The following CHST9 variants were observed in gnomAD, a reference collection of about 807,000 sequenced individuals.
CHST9 encodes the protein GalNAc-4-sulfotransferase 2.
Under a neutral mutation model 44.4 loss-of-function variants are expected in CHST9, and 41 were observed. The ratio of observed to expected loss-of-function variants is 0.92; its 90% confidence interval spans 0.72 to 1.20. The LOEUF is 1.20. Ranked by LOEUF, CHST9 falls within the 50% of genes most tolerant of loss-of-function variation. The pLI is 0.00. For missense variants in CHST9, 504 were observed against 516.5 expected, an observed-to-expected ratio of 0.98 and a Z score of 0.23; for synonymous variants, 171 against 178.4, an observed-to-expected ratio of 0.96 and a Z score of 0.33.
chr18:27,021,935 T>C (rs1420508712), intron 4 of CHST9, among the ~76,000 whole-genome samples: 1 of 152,090 alleles, frequency 6.6e-6, no homozygotes, highest in East Asian at 1.9e-4. Flanking sequence ...TCCCCCTACT[T>C]TAGCCTCCTG....
chr18:26,931,451 T>C (rs1482014556), intron 5 of CHST9, among the ~76,000 whole-genome samples: 5 of 152,242 alleles, frequency 3.3e-5, no homozygotes, highest in Non-Finnish European at 5.9e-5. Context: ...TGAAAGTGTA[T>C]GGATTTGGGT....
intron 3 of CHST9, among the ~76,000 whole-genome samples, chr18:27,047,262 TACAGCATTATGGAAATA>T (rs2057512621): frequency 6.6e-6 from 1 of 152,082 alleles, no homozygotes; most frequent in South Asian, 2.1e-4. Context: ...AGGTAGTACA[TACAGCATTATGGAAATA>T]GCATTTAGAA....
intron 2 of CHST9, among the ~76,000 whole-genome samples, chr18:27,105,936 A>G (rs1194943897): frequency 6.6e-6 from 1 of 152,206 alleles, no homozygotes; most frequent in Non-Finnish European, 1.5e-5. Flanking sequence ...GTATCAATTA[A>G]TACAAGTTAT....
chr18:26,946,264 A>T (rs1598583145), intron 4 of CHST9, among the ~76,000 whole-genome samples: 2 of 152,342 alleles, frequency 1.3e-5, no homozygotes, highest in African/African-American at 2.4e-5. Flanking sequence ...CAAAGAAGTG[A>T]CATTTGAGTC....
At position 27,161,131 on chromosome 18, in the gene CHST9, G is replaced by C. The variant is rs550082317; in HGVS notation, c.-96-18226C>G. Among the ~76,000 whole-genome samples, 7 of 152,114 alleles carry C rather than the reference G, an allele frequency of 4.6e-5. No individual in the cohort carries two copies. In the East Asian group the frequency reaches 1.4e-3, roughly 29 times the overall value. ...TTCCTTCAGTTCTGCTCTGATCTTA[G>C]TTATTTCTTGCCTTCTGCTAGCTTT... is the stretch of plus-strand genomic sequence containing the variant. On this transcript the variant is annotated intron_variant, in intron 1 of 5. Coordinates refer to ENST00000618847, the MANE Select transcript of CHST9 (RefSeq NM_031422.6).
chr18:26,945,066 C>G (rs1283329549), intron 4 of CHST9, among the ~76,000 whole-genome samples: 1 of 151,850 alleles, frequency 6.6e-6, no homozygotes, highest in African/African-American at 2.4e-5. Context: ...AAATAAAATC[C>G]TTAGTAGTAA....
At position 26,944,360 on chromosome 18, in the gene CHST9, G is replaced by A; in HGVS notation, c.209C>T (p.Thr70Ile). The change falls in exon 5 of 6, where the codon ACA becomes ATA. Residue 70 changes from threonine to isoleucine, a missense_variant. Coordinates refer to ENST00000618847, the MANE Select transcript of CHST9 (RefSeq NM_031422.6). Reference sequence around the variant, plus strand: ...GGTGATATGTTCCTGGATTTTTTCTGTACTCACTGAAAGAGAAAGCAAAAA... The same window carrying A: ...GGTGATATGTTCCTGGATTTTTTCTATACTCACTGAAAGAGAAAGCAAAAA... ...YLRPVPRIMS[T>I]EKIQEHITNQ... 1 of 1,606,754 alleles carries A rather than the reference G, an allele frequency of 6.2e-7. No individual in the cohort carries two copies. Among genetic ancestry groups the A allele is most frequent in the Non-Finnish European group, 8.5e-7 (1 of 1,174,082 alleles).
At chr18:27,078,178 A>G (rs575384887) in intron 2 of CHST9, among the ~76,000 whole-genome samples, 26 of 152,280 alleles carry the variant, frequency 1.7e-4, no homozygotes, top group Middle Eastern at 6.8e-3. Context: ...GGAATTCATT[A>G]TTTTATCCAT....
At chr18:27,120,581 TA>T (rs61406912) in intron 2 of CHST9, among the ~76,000 whole-genome samples, 19,297 of 149,526 alleles carry the variant, frequency 0.13, 1,501 homozygotes, top group African/African-American at 0.22. Context: ...TAATCCACGT[TA>T]AAAAAAAAAT....
chr18:26,927,165 G>A (rs1294131133), intron 5 of CHST9, among the ~76,000 whole-genome samples: 1 of 152,158 alleles, frequency 6.6e-6, no homozygotes, highest in African/African-American at 2.4e-5. Context: ...TCTCTGGAAT[G>A]TGGTGAAGAG....
chr18:27,023,102 G>A (rs1395291892), intron 4 of CHST9, among the ~76,000 whole-genome samples: 1 of 152,048 alleles, frequency 6.6e-6, no homozygotes, highest in Non-Finnish European at 1.5e-5. Flanking sequence ...CTAGGAATCT[G>A]ACTTGCTTGC....
At chr18:26,927,061 C>A (rs116305133) in intron 5 of CHST9, among the ~76,000 whole-genome samples, 253 of 152,252 alleles carry the variant, frequency 1.7e-3, no homozygotes, top group African/African-American at 5.7e-3. Flanking sequence ...ATGTGTGTGT[C>A]CAAGAGGGTT....
intron 2 of CHST9, among the ~76,000 whole-genome samples, chr18:27,133,667 T>A (rs897660360): frequency 6.6e-6 from 1 of 152,142 alleles, no homozygotes; most frequent in African/African-American, 2.4e-5. Flanking sequence ...TATTACAAAT[T>A]GAGATCAGTG....
intron 2 of CHST9, among the ~76,000 whole-genome samples, chr18:27,137,612 G>T (rs78167431): frequency 0.012 from 1,771 of 152,132 alleles, 29 homozygotes; most frequent in African/African-American, 0.037. Flanking sequence ...TGGGGAGAAG[G>T]TTTTGTTAAA....
Position 27,177,793 on chromosome 18 carries a change from A to G in CHST9, c.-97+7343T>C, listed in dbSNP as rs143282752. ...TGACAAAGAAGGTTTTCTCTTGTAT[A>G]GCAGAGTTAACAGTACAAAGAGGAA... On this transcript the variant is annotated intron_variant, in intron 1 of 5. Transcript: ENST00000618847. Among the ~76,000 whole-genome samples the G allele has an allele frequency of 2.7e-3, 407 of 152,168 alleles. 1 individual carries two copies. Among genetic ancestry groups the G allele is most frequent in the African/African-American group, 9.5e-3 (393 of 41,552 alleles).
chr18:27,166,030 C>T (rs1169998120), intron 1 of CHST9, among the ~76,000 whole-genome samples: 1 of 152,154 alleles, frequency 6.6e-6, no homozygotes, highest in Non-Finnish European at 1.5e-5. Flanking sequence ...CTGGCTTCCA[C>T]AGTGGTAATC....
chr18:27,167,143 C>A (rs1461566603), intron 1 of CHST9, among the ~76,000 whole-genome samples: 2 of 152,206 alleles, frequency 1.3e-5, no homozygotes, highest in Non-Finnish European at 2.9e-5. Flanking sequence ...TTTGGAGAAA[C>A]AGAAGAAAGG....
chr18:26,916,364 G>T lies in CHST9; in HGVS notation c.1227C>A (p.Val409=). ...HSSDERTNAQ[V]VRQYLKDLTR... The stretch of plus-strand genomic sequence containing the variant: ...TCAGATCCTTTAAATACTGTCTCAC[G>T]ACTTGAGCATTGGTTCTTTCATCGG... The change falls in exon 6 of 6, where the codon GTC becomes GTA. Residue 409 remains valine, a synonymous_variant. Transcript: ENST00000618847. 1.2e-6 allele frequency: 2 copies of T among 1,613,634 alleles called. No individual in the cohort carries two copies. The highest frequency in any genetic ancestry group is 1.7e-6 in the Non-Finnish European group (2 of 1,179,644).
rs1156859087 is a variant in CHST9 at position 27,169,598 on chromosome 18, C to CTTTTTTT, written c.-97+15531_-97+15537dup. On this transcript the variant is annotated intron_variant, in intron 1 of 5. Coordinates refer to ENST00000618847, the MANE Select transcript of CHST9 (RefSeq NM_031422.6). ...CAAAATGTATAAAACATATATTCTT[C>CTTTTTTT]TTTTTTTTTTTTTTTTTTTTTTTTT... Among the ~76,000 whole-genome samples, 67 of 82,200 alleles carry CTTTTTTT rather than the reference C, an allele frequency of 8.2e-4. 1 individual carries two copies. Among genetic ancestry groups the CTTTTTTT allele is most frequent in the African/African-American group, 2.8e-3 (56 of 20,068 alleles). The allele number at this position is 82,200 out of a possible 152,430, so 53.9% of individuals were successfully genotyped here.
Sources: gnomAD v4.1 joint callset for allele counts (sites outside exome capture counted in the v4.1 genomes callset) on GRCh38, gnomAD v4.1.1 for gene constraint, MANE v1.5 for transcripts, NCBI Gene and HGNC (gene_info 2026-07-23, HGNC 2026-07-21) for gene names.